Variants in AFG2A observed in about 807,000 individuals in gnomAD.
AFG2A encodes AAA ATPase AFG2A, also known as ATPase family gene 2 protein homolog A.
the AFG2A span, among the ~76,000 whole-genome samples, chr4:123,227,080 A>G: frequency 2.7e-4 from 41 of 151,596 alleles, no homozygotes; most frequent in African/African-American, 4.6e-4. Context: ...TTTTTATTGC[A>G]TCTATTTGAT....
chr4:123,175,781 G>A, the AFG2A span, among the ~76,000 whole-genome samples: 10 of 152,116 alleles, frequency 6.6e-5, no homozygotes, highest in African/African-American at 2.4e-4. Context: ...AAATGCAACG[G>A]ATGCATCCTG....
chr4:122,923,098 AT>A, the AFG2A span: 3 of 1,610,748 alleles, frequency 1.9e-6, no homozygotes, highest in Non-Finnish European at 2.5e-6. Context: ...AAGCGCGCAC[AT>A]TGAGTCGGCT....
At chr4:122,960,530 T>C in the AFG2A span, among the ~76,000 whole-genome samples, 1 of 152,206 alleles carries the variant, frequency 6.6e-6, no homozygotes, top group Non-Finnish European at 1.5e-5. Flanking sequence ...AAAGGAAGTA[T>C]TTGCTTTGCG....
chr4:122,940,953 G>A, the AFG2A span, among the ~76,000 whole-genome samples: 1 of 151,574 alleles, frequency 6.6e-6, no homozygotes, highest in African/African-American at 2.4e-5. Flanking sequence ...TAGATATGTG[G>A]CATTATTTCT....
the AFG2A span, among the ~76,000 whole-genome samples, chr4:122,940,261 G>C: frequency 6.6e-6 from 1 of 151,946 alleles, no homozygotes; most frequent in Non-Finnish European, 1.5e-5. Flanking sequence ...GTGTAAAAGT[G>C]TTCCTATTTC....
chr4:123,260,563 G>A, the AFG2A span, among the ~76,000 whole-genome samples: 1 of 152,148 alleles, frequency 6.6e-6, no homozygotes, highest in Non-Finnish European at 1.5e-5. Context: ...CTCCCACACA[G>A]TGAAAACAGA....
the AFG2A span, among the ~76,000 whole-genome samples, chr4:122,987,346 G>C: frequency 1.3e-5 from 2 of 152,048 alleles, no homozygotes; most frequent in African/African-American, 4.8e-5. Flanking sequence ...CTTATGGGTA[G>C]CATAATTTTG....
chr4:123,301,606 G>A, the AFG2A span, among the ~76,000 whole-genome samples: 1 of 152,096 alleles, frequency 6.6e-6, no homozygotes, highest in Non-Finnish European at 1.5e-5. Flanking sequence ...CATAAAATAA[G>A]TGTAATATAA....
the AFG2A span, among the ~76,000 whole-genome samples, chr4:123,136,266 G>A: frequency 0.021 from 3,226 of 152,274 alleles, 64 homozygotes; most frequent in Non-Finnish European, 0.035. Context: ...GGGTGCGGTG[G>A]CTTACGCCTA....
chr4:122,964,663 G>A, the AFG2A span, among the ~76,000 whole-genome samples: 1 of 152,092 alleles, frequency 6.6e-6, no homozygotes, highest in Non-Finnish European at 1.5e-5. Context: ...CTTGGCTTAA[G>A]GTTCAGATCT....
chr4:123,161,622 T>C, the AFG2A span, among the ~76,000 whole-genome samples: 1 of 152,124 alleles, frequency 6.6e-6, no homozygotes, highest in South Asian at 2.1e-4. Context: ...GGCAAGGAAG[T>C]TGAAATCACA....
At chr4:123,193,402 C>T in the AFG2A span, among the ~76,000 whole-genome samples, 6 of 152,162 alleles carry the variant, frequency 3.9e-5, no homozygotes, top group Non-Finnish European at 5.9e-5. Context: ...CCAAATGAAA[C>T]GTTGACCTTC....
the AFG2A span, among the ~76,000 whole-genome samples, chr4:123,026,784 C>T: frequency 6.6e-6 from 1 of 152,192 alleles, no homozygotes; most frequent in Admixed American, 6.5e-5. Context: ...ATGCATCACT[C>T]AGACCCCAAT....
the AFG2A span, chr4:122,933,552 A>G: frequency 6.9e-7 from 1 of 1,446,464 alleles, no homozygotes; most frequent in Non-Finnish European, 9.7e-7. Context: ...AGGCATCAGC[A>G]AATAAAGTGT....
the AFG2A span, among the ~76,000 whole-genome samples, chr4:123,202,526 G>A: frequency 6.6e-6 from 1 of 151,956 alleles, no homozygotes; most frequent in Non-Finnish European, 1.5e-5. Flanking sequence ...TACCCCATAA[G>A]CCATAGCCCA....
At chr4:123,123,442 T>C in the AFG2A span, among the ~76,000 whole-genome samples, 14 of 152,312 alleles carry the variant, frequency 9.2e-5, no homozygotes, top group East Asian at 9.6e-4. Context: ...TTCTTGATGA[T>C]CTTTTATGTT....
chr4:123,285,102 G>A, the AFG2A span, among the ~76,000 whole-genome samples: 1 of 151,944 alleles, frequency 6.6e-6, no homozygotes, highest in African/African-American at 2.4e-5. Context: ...CTCAAACCCT[G>A]GCAGTATGGG....
At chr4:123,175,638 G>T in the AFG2A span, among the ~76,000 whole-genome samples, 1 of 152,158 alleles carries the variant, frequency 6.6e-6, no homozygotes, top group South Asian at 2.1e-4. Context: ...GTGCCATTTC[G>T]TGTACATATT....
the AFG2A span, among the ~76,000 whole-genome samples, chr4:123,005,246 G>A: frequency 2.3e-4 from 35 of 152,060 alleles, 1 homozygote; most frequent in Admixed American, 2.3e-3. Context: ...TGCCTCCTGG[G>A]TTCAAGCCAT....
Sources: allele counts gnomAD v4.1 joint callset (sites outside exome capture counted in the v4.1 genomes callset), GRCh38; gene constraint gnomAD v4.1.1; transcripts MANE v1.5; gene names NCBI Gene and HGNC (gene_info 2026-07-23, HGNC 2026-07-21).